The following MYO1F variants were observed in gnomAD, a reference collection of about 807,000 sequenced individuals.
MYO1F encodes the protein unconventional myosin-If.
Under a neutral mutation model 146.6 loss-of-function variants are expected in MYO1F, and 60 were observed. The ratio of observed to expected loss-of-function variants is 0.41; its 90% CI spans 0.33 to 0.51. The LOEUF is 0.51. MYO1F is among the 20% of genes least tolerant of loss of function. The pLI is 0.25. For missense variants in MYO1F, 1,274 were observed against 1,534.3 expected (o/e 0.83, Z 2.83); for synonymous variants, 602 against 602.1 (o/e 1.00, Z 0.00).
rs1367186215 is a variant in MYO1F at position 8,522,706 on chromosome 19, C to G, written c.2978G>C (p.Arg993Thr). 1.2e-6 allele frequency: 2 copies of G among 1,613,754 alleles called. No individual in the cohort carries two copies. The highest frequency in any genetic ancestry group is 4.5e-5 in the East Asian group (2 of 44,878). Residue 993 changes from arginine (R) to threonine (T), a missense_variant, in exon 26 of 28, where the codon AGA becomes ACA. Coordinates refer to ENST00000644032, the MANE Select transcript of MYO1F (RefSeq NM_012335.4). ...TGAGGGCGGACGTGCCCGGGGTCGT[C>G]TGCTGGCTCCCAGGGATGTGGACGG... ...GPPSTSLGAS[R>T]RPRARPPSEH...
At chr19:8,522,167 C>T (rs962094344) in intron 27 of MYO1F, among the ~76,000 whole-genome samples, 8 of 152,156 alleles carry the variant, frequency 5.3e-5, no homozygotes, top group Admixed American at 2.6e-4. Flanking sequence ...GGACTACAGG[C>T]GCCCGCCACC....
chr19:8,525,205 A>C, intron 25 of MYO1F: 2 of 290,054 alleles, frequency 6.9e-6, no homozygotes, highest in East Asian at 6.4e-5. Context: ...ATCTCAAAAA[A>C]AAAAAAAAAA....
intron 14 of MYO1F, chr19:8,544,030 C>CGGTGGCGGTGGT: frequency 3.4e-6 from 1 of 290,032 alleles, no homozygotes. Context: ...GTGGCGGTGG[C>CGGTGGCGGTGGT]GGTGGCGGTG....
intron 12 of MYO1F, among the ~76,000 whole-genome samples, chr19:8,546,600 T>C (rs1206672790): frequency 6.6e-6 from 1 of 152,074 alleles, no homozygotes; most frequent in East Asian, 1.9e-4. Context: ...GCTCAAGCGA[T>C]CCTCTTAACT....
In MYO1F at chr19:8,526,580, C is replaced by A; in HGVS notation, c.2643G>T (p.Lys881Asn). 6.3e-7 allele frequency: 1 copy of A among 1,597,632 alleles called. No homozygotes were observed. The highest frequency in any genetic ancestry group is 8.5e-7 in the Non-Finnish European group (1 of 1,174,290). The change falls in exon 24 of 28, where the codon AAG becomes AAT. Residue 881 changes from lysine (K) to asparagine (N), a missense_variant. Coordinates refer to ENST00000644032, the MANE Select transcript of MYO1F (RefSeq NM_012335.4). ...GGGTGCCGCCACCGCCCCAGCCCTC[C>A]TTCTTCACCCGAAACTGTAGTCTAT... ...FSDTLQFRVK[K>N]EGWGGGGTRS... is the part of the protein sequence containing the mutation.
intron 25 of MYO1F, among the ~76,000 whole-genome samples, chr19:8,525,013 CG>C (rs1218616944): frequency 6.6e-6 from 1 of 151,842 alleles, no homozygotes; most frequent in African/African-American, 2.4e-5. Flanking sequence ...GCCTGAACAA[CG>C]TGGTGAAACC....
chr19:8,544,464 T>A lies in MYO1F; in HGVS notation c.1357A>T (p.Ser453Cys). 7 of 1,608,222 alleles carry A rather than the reference T, an allele frequency of 4.4e-6. No individual in the cohort carries two copies. The highest frequency in any genetic ancestry group is 5.9e-6 in the Non-Finnish European group (7 of 1,179,566). ...AAGACGCTCATGATGCCTGGGGGGC[T>A]CTGCGGGGCGAGCGGGAGCCAGCAG... is the stretch of plus-strand genomic sequence containing the variant. ...VVCDLIENKL[S>C]PPGIMSVLDD... Residue 453 changes from serine to cysteine, a missense_variant and splice_region_variant, in exon 14 of 28, where the codon AGC (serine) becomes TGC (cysteine). Physicochemically the swap from Ser to Cys is moderately radical, Grantham distance 112. Coordinates refer to ENST00000644032, the MANE Select transcript of MYO1F (RefSeq NM_012335.4).
chr19:8,523,216 G>C (rs1972133023), intron 25 of MYO1F, among the ~76,000 whole-genome samples: 1 of 152,004 alleles, frequency 6.6e-6, no homozygotes, highest in African/African-American at 2.4e-5. Flanking sequence ...AATATTTTTA[G>C]TAGAGACGGA....
At chr19:8,541,684 C>T (rs1972978208) in intron 15 of MYO1F, 1 of 568,026 alleles carries the variant, frequency 1.8e-6, no homozygotes, top group Non-Finnish European at 3.2e-6. Context: ...CCACTTCGGC[C>T]TCCCAAAGTG....
chr19:8,549,750 C>T (rs1163834001), intron 10 of MYO1F: 1 of 243,752 alleles, frequency 4.1e-6, no homozygotes. Flanking sequence ...AGTGATCCAT[C>T]CACCTCAGCC....
intron 19 of MYO1F, among the ~76,000 whole-genome samples, chr19:8,535,891 C>T (rs1252485374): frequency 6.6e-6 from 1 of 151,942 alleles, no homozygotes; most frequent in African/African-American, 2.4e-5. Flanking sequence ...CTGTGTTAGC[C>T]AGGATGGTCT....
At chr19:8,542,036 G>A in intron 14 of MYO1F, 45 bp from the exon 15 acceptor site, 1 of 1,533,012 alleles carries the variant, frequency 6.5e-7, no homozygotes, top group South Asian at 1.1e-5. Flanking sequence ...GAGAAACCTG[G>A]CTGGGAGGGT....
intron 17 of MYO1F, 141 bp downstream of exon 17, chr19:8,536,808 T>G: frequency 6.5e-6 from 4 of 612,942 alleles, no homozygotes; most frequent in Admixed American, 2.5e-5. Flanking sequence ...CTGGGGTCAG[T>G]TCTGCAGGTG....
chr19:8,564,452 A>AC (rs1231753162), intron 1 of MYO1F, among the ~76,000 whole-genome samples: 1 of 152,008 alleles, frequency 6.6e-6, no homozygotes, highest in African/African-American at 2.4e-5. Context: ...TCAGGAGATG[A>AC]CAGAATCCTG....
At chr19:8,558,908 T>G (rs777885618) in intron 1 of MYO1F, among the ~76,000 whole-genome samples, 13 of 152,104 alleles carry the variant, frequency 8.5e-5, no homozygotes, top group Non-Finnish European at 1.6e-4. Flanking sequence ...GGGGTCTCAC[T>G]GCTTTGCCCA....
In MYO1F at chr19:8,548,248, C is replaced by G; in HGVS notation, c.1171G>C (p.Glu391Gln). The change falls in exon 11 of 28, where the codon GAG becomes CAG. Residue 391 changes from glutamate (E) to glutamine (Q), a missense_variant. By Grantham distance (29) the Glu-to-Gln change is conservative. Transcript: ENST00000644032. ...GCAGGGGGCCGTACCTGGAAGATCT[C>G]GAAGCCGTAAATGTCCAGCACACCG... ...SIGVLDIYGFEIFQKNGFEQF... is the reference protein window; with the variant it reads ...SIGVLDIYGFQIFQKNGFEQF... The G allele has an allele frequency of 6.2e-7, 1 of 1,613,960 alleles. No individual in the cohort carries two copies. The highest frequency in any genetic ancestry group is 8.5e-7 in the Non-Finnish European group (1 of 1,180,024).
intron 14 of MYO1F, among the ~76,000 whole-genome samples, chr19:8,542,950 C>G (rs1973044776): frequency 6.6e-6 from 1 of 151,780 alleles, no homozygotes. Flanking sequence ...GTTGCTCAGG[C>G]TGGAGTGCTG....
Position 8,526,832 on chromosome 19 carries a change from C to G in MYO1F, c.2578G>C (p.Glu860Gln), listed in dbSNP as rs767221926. The G allele has an allele frequency of 9.3e-6, 15 of 1,613,758 alleles. No homozygotes were observed. In the Admixed American group the frequency reaches 1.7e-4, roughly 18 times the overall value. ...GGCAGGGGCCTCCGCGTCGCCTCCT[C>G]GAAGCGCTTGCACAGAAGGCTGACA... ...EFVSLLCKRF[E>Q]EATRRPLPLT... The change falls in exon 23 of 28, where the codon GAG becomes CAG. Residue 860 changes from glutamate (E) to glutamine (Q), a missense_variant. Glu to Gln is a conservative substitution (Grantham distance 29, BLOSUM62 2). Coordinates refer to ENST00000644032, the MANE Select transcript of MYO1F (RefSeq NM_012335.4).
rs543627719 is a variant in MYO1F at position 8,575,473 on chromosome 19, A to G, written c.3+1834T>C. Among the ~76,000 whole-genome samples, 82 of 151,972 alleles carry G rather than the reference A, an allele frequency of 5.4e-4. 2 individuals carry two copies. The highest frequency in any genetic ancestry group is 1.9e-3 in the African/African-American group (80 of 41,444). ...CTGTGATAATCTAATGGCGCCCCCG[A>G]GAATCTGAGAGGAGGTGGAGCTCGG... On this transcript the variant is annotated intron_variant, in intron 1 of 27. Transcript: ENST00000644032.
Sources: allele counts gnomAD v4.1 joint callset (sites outside exome capture counted in the v4.1 genomes callset), GRCh38; gene constraint gnomAD v4.1.1; transcripts MANE v1.5; gene names NCBI Gene and HGNC (gene_info 2026-07-23, HGNC 2026-07-21).